The following MAP3K20 variants were observed in gnomAD, a reference collection of about 807,000 sequenced individuals.
The protein encoded by MAP3K20 is mitogen-activated protein kinase kinase kinase 20, also known as HCCS-4.
MAP3K20 carries 40 observed loss-of-function variants against 85.7 expected under a neutral mutation model. The ratio of observed to expected loss-of-function variants is 0.47; its 90% CI spans 0.36 to 0.61. The LOEUF (loss-of-function observed/expected upper bound fraction) is 0.61, where lower values mean the gene tolerates loss of function less well. MAP3K20 is among the 20% of genes least tolerant of loss of function. MAP3K20 has a pLI of 0.00. For synonymous variants in MAP3K20, 325 were observed against 327.7 expected (o/e 0.99, Z 0.09); for missense variants, 817 against 961.7 (o/e 0.85, Z 1.99).
At chr2:173,133,932 A>G (rs1452062673) in intron 2 of MAP3K20, among the ~76,000 whole-genome samples, 1 of 148,806 alleles carries the variant, frequency 6.7e-6, no homozygotes, top group African/African-American at 2.5e-5. Flanking sequence ...CGGAGCTTGC[A>G]GTGAGCCGAG....
chr2:173,091,707 A>C (rs556654289), intron 2 of MAP3K20, among the ~76,000 whole-genome samples: 3 of 152,302 alleles, frequency 2.0e-5, no homozygotes, highest in African/African-American at 7.2e-5. Flanking sequence ...TTTGTATTAT[A>C]TAGAATTAAT....
Position 173,263,794 on chromosome 2 carries a change from G to C in MAP3K20, c.1601G>C (p.Trp534Ser), listed in dbSNP as rs1273551046. 6.2e-7 allele frequency: 1 copy of C among 1,613,200 alleles called. No individual in the cohort carries two copies. Among genetic ancestry groups the C allele is most frequent in the Non-Finnish European group, 8.5e-7 (1 of 1,179,830 alleles). Reference sequence around the variant, plus strand: ...ACTAAACATGTCCATTCGATTCAGTGGAGTAGAACAAAACCTCAGGATGAA... The same window carrying C: ...ACTAAACATGTCCATTCGATTCAGTCGAGTAGAACAAAACCTCAGGATGAA... ...KSTKHVHSIQ[W>S]SRTKPQDEVK... Residue 534 changes from tryptophan to serine, a missense_variant, in exon 19 of 20, where the codon TGG becomes TCG. Transcript: ENST00000375213.
In MAP3K20 at chr2:173,227,024, G is replaced by T. The variant is rs1045891620; in HGVS notation, c.988-2665G>T. The stretch of plus-strand genomic sequence containing the variant: ...TTTATAGTTGGAATTTGATATTCCA[G>T]CACAAAGTCCACAGTGTATTCAGAA... On this transcript the variant is annotated intron_variant, in intron 11 of 19. Transcript: ENST00000375213. 3.0e-6 allele frequency: 3 copies of T among 985,580 alleles called. No individual in the cohort carries two copies. The African/African-American group carries it at 5.2e-5, about 17-fold the overall frequency. 61.1% of individuals were successfully genotyped at this position (985,580 alleles called of 1,614,324 possible). A position where few individuals can be genotyped will look rare whatever the true frequency, so the allele number is the denominator to read the frequency against.
intron 2 of MAP3K20, among the ~76,000 whole-genome samples, chr2:173,112,104 A>C (rs1687992588): frequency 6.6e-6 from 1 of 152,094 alleles, no homozygotes; most frequent in African/African-American, 2.4e-5. Context: ...AGTGATTTGT[A>C]GTTTTCCTTA....
intron 3 of MAP3K20, among the ~76,000 whole-genome samples, chr2:173,179,371 G>C (rs997379551): frequency 7.3e-6 from 1 of 137,002 alleles, no homozygotes; most frequent in Non-Finnish European, 1.5e-5. Flanking sequence ...CAGCCTGGGT[G>C]ACAGAGTGAG....
At chr2:173,084,953 G>A (rs933789934) in intron 1 of MAP3K20, among the ~76,000 whole-genome samples, 12 of 152,170 alleles carry the variant, frequency 7.9e-5, no homozygotes, top group African/African-American at 2.9e-4. Context: ...TCTTTACCCT[G>A]AATCATGCTA....
At chr2:173,119,544 A>T (rs1377010908) in intron 2 of MAP3K20, among the ~76,000 whole-genome samples, 5 of 152,222 alleles carry the variant, frequency 3.3e-5, no homozygotes, top group Non-Finnish European at 7.3e-5. Context: ...ACATTGTGCC[A>T]GCTGGCAGAG....
intron 8 of MAP3K20, among the ~76,000 whole-genome samples, chr2:173,202,145 AATTT>A (rs1204616928): frequency 6.6e-6 from 1 of 152,170 alleles, no homozygotes; most frequent in Non-Finnish European, 1.5e-5. Context: ...TAAACACCTG[AATTT>A]TTTTTTAACC....
At chr2:173,263,011 TG>T (rs2106358287) in intron 18 of MAP3K20, among the ~76,000 whole-genome samples, 1 of 152,354 alleles carries the variant, frequency 6.6e-6, no homozygotes, top group African/African-American at 2.4e-5. Flanking sequence ...CATGATGATA[TG>T]CCACTTTTGT....
intron 2 of MAP3K20, among the ~76,000 whole-genome samples, chr2:173,126,595 G>T (rs994412019): frequency 1.3e-5 from 2 of 152,152 alleles, no homozygotes; most frequent in African/African-American, 4.8e-5. Flanking sequence ...GGCCAGGCTG[G>T]TCTCAAACTC....
In MAP3K20 at chr2:173,267,851, G is replaced by A. The variant is rs558552213; in HGVS notation, c.*1101G>A. 1 of 152,272 alleles carries A rather than the reference G, an allele frequency of 6.6e-6. No individual in the cohort carries two copies. The highest frequency in any genetic ancestry group is 1.9e-4 in the East Asian group (1 of 5,178). 9.4% of individuals were successfully genotyped at this position (152,272 alleles called of 1,614,324 possible). ...CAGCAAGACAGCTCTGAGCAGCTGT[G>A]GGCAAAGAGGTAAACCAGTGGGGGT... On this transcript the variant is annotated 3_prime_UTR_variant, in exon 20 of 20. Transcript: ENST00000375213.
chr2:173,094,405 T>C lies in MAP3K20; in HGVS notation c.159+3215T>C, dbSNP rs1687397688. On this transcript the variant is annotated intron_variant, in intron 2 of 19. Transcript: ENST00000375213. ...CAGTACAATTAACAAATTCAAAAAA[T>C]GTAACAATGATAACAATAATGTTAC... Among the ~76,000 whole-genome samples the C allele has an allele frequency of 2.6e-5, 4 of 152,212 alleles. No individual in the cohort carries two copies. The South Asian group carries it at 8.3e-4, about 32-fold the overall frequency.
At chr2:173,098,068 G>A (rs7585076) in intron 2 of MAP3K20, among the ~76,000 whole-genome samples, 5,429 of 152,184 alleles carry the variant, frequency 0.036, 134 homozygotes, top group African/African-American at 0.059. Context: ...ACCCAAACAC[G>A]TTAAAGAAGA....
intron 2 of MAP3K20, among the ~76,000 whole-genome samples, chr2:173,163,703 C>T (rs554603582): frequency 6.6e-6 from 1 of 152,274 alleles, no homozygotes; most frequent in East Asian, 1.9e-4. Flanking sequence ...GTGAATAGTG[C>T]TGGGACGAAC....
intron 4 of MAP3K20, among the ~76,000 whole-genome samples, chr2:173,183,441 TA>T (rs1443416553): frequency 6.6e-6 from 1 of 152,196 alleles, no homozygotes; most frequent in African/African-American, 2.4e-5. Context: ...ATTCAGATTT[TA>T]TTTTACATTT....
chr2:173,260,089 G>A (rs1266144247), intron 17 of MAP3K20, among the ~76,000 whole-genome samples: 2 of 152,156 alleles, frequency 1.3e-5, no homozygotes, highest in African/African-American at 4.8e-5. Context: ...AGCCCAGGCT[G>A]GGTGCAGTGG....
At chr2:173,206,626 G>A (rs1683695608) in intron 9 of MAP3K20, among the ~76,000 whole-genome samples, 1 of 152,010 alleles carries the variant, frequency 6.6e-6, no homozygotes, top group South Asian at 2.1e-4. Flanking sequence ...TCCCACCCCA[G>A]GCTTAGCACT....
At chr2:173,076,168 C>G (rs1238158312) in intron 1 of MAP3K20, among the ~76,000 whole-genome samples, 166 bp downstream of exon 1, 1 of 151,278 alleles carries the variant, frequency 6.6e-6, no homozygotes, top group African/African-American at 2.4e-5. Flanking sequence ...AGGGCCCGCC[C>G]GGCGGCGGCG....
At chr2:173,169,705 G>A in intron 2 of MAP3K20, 100 bp from the exon 3 acceptor site, 1 of 1,170,794 alleles carries the variant, frequency 8.5e-7, no homozygotes, top group Non-Finnish European at 1.2e-6. Flanking sequence ...GGACAACACA[G>A]CAAGACCCTA....
Sources: gnomAD v4.1 joint callset for allele counts (sites outside exome capture counted in the v4.1 genomes callset) on GRCh38, gnomAD v4.1.1 for gene constraint, MANE v1.5 for transcripts, NCBI Gene and HGNC (gene_info 2026-07-23, HGNC 2026-07-21) for gene names.